NEDD4L: variants seen among roughly 807,000 people sequenced by gnomAD.
NEDD4L encodes E3 ubiquitin-protein ligase NEDD4-like.
A neutral mutation model predicts 148.9 loss-of-function variants in NEDD4L; 54 were observed. That is an observed-to-expected ratio of 0.36 (90% CI 0.29 to 0.45). NEDD4L has a LOEUF of 0.45. Ranked by LOEUF, NEDD4L falls within the 20% of genes least tolerant of loss-of-function variation. The pLI, the probability that NEDD4L is intolerant of heterozygous loss-of-function variation, is 1.00. For missense variants in NEDD4L, 856 were observed against 1,233.8 expected, an observed-to-expected ratio of 0.69 and a Z score of 4.59; for synonymous variants, 433 against 440.7, an observed-to-expected ratio of 0.98 and a Z score of 0.22.
chr18:58,326,338 A>G (rs1347883619), intron 9 of NEDD4L, among the ~76,000 whole-genome samples: 2 of 152,222 alleles, frequency 1.3e-5, no homozygotes, highest in Non-Finnish European at 2.9e-5. Context: ...TTAGCTCAGG[A>G]CAGCAAAATG....
chr18:58,181,935 AT>A (rs369271536), intron 2 of NEDD4L, among the ~76,000 whole-genome samples: 126 of 149,094 alleles, frequency 8.5e-4, no homozygotes, highest in African/African-American at 2.1e-3. Context: ...TCTTTAACAC[AT>A]TTTTTTTTTG....
chr18:58,234,250 T>C (rs573784950), intron 2 of NEDD4L, among the ~76,000 whole-genome samples: 14 of 143,616 alleles, frequency 9.7e-5, no homozygotes, highest in Middle Eastern at 3.4e-3. Context: ...AATATTTTTC[T>C]TTTTTTTCCC....
chr18:58,214,638 TG>T (rs1372915024), intron 2 of NEDD4L, among the ~76,000 whole-genome samples: 21 of 136,682 alleles, frequency 1.5e-4, no homozygotes, highest in African/African-American at 5.0e-4. Context: ...TGTGTGTGTG[TG>T]TGTGTTTTGT....
At chr18:58,238,093 C>T (rs775423662) in intron 2 of NEDD4L, among the ~76,000 whole-genome samples, 3 of 152,198 alleles carry the variant, frequency 2.0e-5, no homozygotes, top group Non-Finnish European at 4.4e-5. Flanking sequence ...ATGCATTTGA[C>T]TGTAATCTAA....
intron 25 of NEDD4L, among the ~76,000 whole-genome samples, chr18:58,383,918 G>A (rs1200145728): frequency 6.6e-6 from 1 of 152,180 alleles, no homozygotes; most frequent in Non-Finnish European, 1.5e-5. Flanking sequence ...TGTTGGGCAC[G>A]TTACGTTTTC....
intron 11 of NEDD4L, 62 bp from the exon 12 acceptor site, chr18:58,333,756 C>G: frequency 8.6e-7 from 1 of 1,167,474 alleles, no homozygotes; most frequent in East Asian, 2.4e-5. Flanking sequence ...TTTGTTAAAC[C>G]AATGAAAGTT....
intron 1 of NEDD4L, among the ~76,000 whole-genome samples, chr18:58,120,590 T>C (rs1244491239): frequency 1.3e-5 from 2 of 151,954 alleles, no homozygotes; most frequent in South Asian, 2.1e-4. Flanking sequence ...CCATCCTGGC[T>C]AACACAGTGA....
At chr18:58,053,998 G>A (rs1042702283) in intron 1 of NEDD4L, among the ~76,000 whole-genome samples, 1 of 152,182 alleles carries the variant, frequency 6.6e-6, no homozygotes, top group Non-Finnish European at 1.5e-5. Context: ...TTGGGTCAGA[G>A]GTAATGTAGG....
At chr18:58,306,955 G>A (rs1220681860) in intron 5 of NEDD4L, among the ~76,000 whole-genome samples, 1 of 152,138 alleles carries the variant, frequency 6.6e-6, no homozygotes, top group African/African-American at 2.4e-5. Context: ...CCTCCTTATA[G>A]CAGTGTTTGG....
chr18:58,299,420 T>G (rs997439929), intron 5 of NEDD4L, among the ~76,000 whole-genome samples: 18 of 152,266 alleles, frequency 1.2e-4, no homozygotes, highest in African/African-American at 4.3e-4. Context: ...TCTTGGCTGC[T>G]AGACAACAAC....
intron 29 of NEDD4L, 66 bp from the exon 30 acceptor site, chr18:58,391,421 A>C: frequency 7.6e-7 from 1 of 1,323,844 alleles, no homozygotes; most frequent in Non-Finnish European, 1.1e-6. Context: ...TGGACTGCAG[A>C]CCACACCATA....
intron 1 of NEDD4L, among the ~76,000 whole-genome samples, chr18:58,118,901 A>C (rs773411563): frequency 4.6e-5 from 7 of 152,046 alleles, no homozygotes; most frequent in Non-Finnish European, 7.4e-5. Context: ...CCCCAAGCGG[A>C]ACTGGGTTTC....
At chr18:58,106,199 A>T (rs756080345) in intron 1 of NEDD4L, among the ~76,000 whole-genome samples, 5 of 152,176 alleles carry the variant, frequency 3.3e-5, no homozygotes, top group Non-Finnish European at 5.9e-5. Flanking sequence ...CACTGCCCAA[A>T]TCAACTGTCA....
At chr18:58,168,543 A>G (rs1037344008) in intron 2 of NEDD4L, among the ~76,000 whole-genome samples, 1 of 152,186 alleles carries the variant, frequency 6.6e-6, no homozygotes, top group Non-Finnish European at 1.5e-5. Flanking sequence ...TTAAGGTAGT[A>G]GTCACCGGGC....
rs1218631990 is a variant in NEDD4L at position 58,396,484 on chromosome 18, A to G, written c.*215A>G. On this transcript the variant is annotated 3_prime_UTR_variant, in exon 31 of 31. Coordinates refer to ENST00000400345, the MANE Select transcript of NEDD4L (RefSeq NM_001144967.3). ...CCCACCACAAATTATCAACTGGTTG[A>G]TGTGTACACTAATTACATTTCAGGA... The G allele has an allele frequency of 2.1e-6, 1 of 482,094 alleles. No individual in the cohort carries two copies. 29.9% of individuals were successfully genotyped at this position (482,094 alleles called of 1,614,324 possible). A position where few individuals can be genotyped will look rare whatever the true frequency, so the allele number is the denominator to read the frequency against.
At chr18:58,103,451 G>T (rs1177497674) in intron 1 of NEDD4L, among the ~76,000 whole-genome samples, 2 of 152,016 alleles carry the variant, frequency 1.3e-5, no homozygotes, top group African/African-American at 4.8e-5. Flanking sequence ...CAAGCTTGCT[G>T]CTAGTGCTTC....
At chr18:58,098,286 G>A (rs1250520606) in intron 1 of NEDD4L, among the ~76,000 whole-genome samples, 1 of 152,106 alleles carries the variant, frequency 6.6e-6, no homozygotes, top group Non-Finnish European at 1.5e-5. Context: ...GAGGGACCCT[G>A]CAAGAAGTCC....
At position 58,385,423 on chromosome 18, in the gene NEDD4L, C is replaced by T; in HGVS notation, c.2427-103C>T. On this transcript the variant is annotated intron_variant, in intron 25 of 30. Coordinates refer to ENST00000400345, the MANE Select transcript of NEDD4L (RefSeq NM_001144967.3). ...GGCACAGAGGAGACCCTCCCCTCTG[C>T]TCTGCTGTCGTGGATGGAGGAGAAG... The T allele has an allele frequency of 4.4e-6, 4 of 910,218 alleles. No individual in the cohort carries two copies. The South Asian group carries it at 5.2e-5, about 12-fold the overall frequency. 56.4% of individuals were successfully genotyped at this position (910,218 alleles called of 1,614,324 possible).
intron 1 of NEDD4L, among the ~76,000 whole-genome samples, chr18:58,071,326 T>C (rs1395010803): frequency 6.6e-6 from 1 of 151,856 alleles, no homozygotes; most frequent in Non-Finnish European, 1.5e-5. Flanking sequence ...TTAAAAAAAA[T>C]ATTGGGTGAC....
Sources: allele counts gnomAD v4.1 joint callset (sites outside exome capture counted in the v4.1 genomes callset), GRCh38; gene constraint gnomAD v4.1.1; transcripts MANE v1.5; gene names NCBI Gene and HGNC (gene_info 2026-07-23, HGNC 2026-07-21).